Variants in CBLB observed in about 807,000 individuals in gnomAD.
CBLB encodes E3 ubiquitin-protein ligase CBL-B.
Under a neutral mutation model 104.9 loss-of-function variants are expected in CBLB, and 31 were observed. That is an observed-to-expected ratio of 0.30 (90% CI 0.22 to 0.40). CBLB has a LOEUF of 0.40. CBLB is among the 10% of genes least tolerant of loss of function. The probability of loss-of-function intolerance (pLI) is 1.00; values close to 1 mark genes in which losing one functional copy is unlikely to be tolerated. For missense variants in CBLB, 1,062 were observed against 1,214.6 expected (o/e 0.87, Z 1.87); for synonymous variants, 440 against 422.6 (o/e 1.04, Z -0.51).
At chr3:105,808,664 C>G (rs1001136321) in intron 3 of CBLB, among the ~76,000 whole-genome samples, 4 of 152,012 alleles carry the variant, frequency 2.6e-5, no homozygotes, top group African/African-American at 9.7e-5. Context: ...TTTGAGCCAC[C>G]AACAGAAATA....
chr3:105,822,744 T>C (rs1299503124), intron 3 of CBLB, among the ~76,000 whole-genome samples: 1 of 152,232 alleles, frequency 6.6e-6, no homozygotes, highest in Non-Finnish European at 1.5e-5. Flanking sequence ...ATTTAATTAA[T>C]GAACATATAT....
chr3:105,788,073 T>C (rs978225349), intron 3 of CBLB, among the ~76,000 whole-genome samples: 4 of 152,194 alleles, frequency 2.6e-5, no homozygotes, highest in Admixed American at 6.5e-5. Flanking sequence ...TGCTAATATT[T>C]GTAGTAGACG....
rs539819280 is a variant in CBLB at position 105,693,386 on chromosome 3, T to C, written c.2054+108A>G. 8.7e-5 allele frequency: 63 copies of C among 724,836 alleles called. No individual in the cohort carries two copies. In the East Asian group the frequency reaches 1.0e-3, roughly 12 times the overall value. 44.9% of individuals were successfully genotyped at this position (724,836 alleles called of 1,614,324 possible). A position where few individuals can be genotyped will look rare whatever the true frequency, so the allele number is the denominator to read the frequency against. ...TGTAAATACAGCTGGCTGTTTACTATCAATGACTTTCTATTCATCATGTAG... is the reference window on the plus strand; with the variant it reads ...TGTAAATACAGCTGGCTGTTTACTACCAATGACTTTCTATTCATCATGTAG... On this transcript the variant is annotated intron_variant, in intron 13 of 18. Transcript: ENST00000394030.
At chr3:105,855,186 T>G (rs941954135) in intron 2 of CBLB, among the ~76,000 whole-genome samples, 19 of 152,210 alleles carry the variant, frequency 1.2e-4, no homozygotes, top group Admixed American at 1.2e-3. Flanking sequence ...CATTTTCACA[T>G]GCAAAATCTT....
chr3:105,838,187 A>G (rs1278294760), intron 3 of CBLB, among the ~76,000 whole-genome samples: 1 of 147,852 alleles, frequency 6.8e-6, no homozygotes, highest in African/African-American at 2.5e-5. Context: ...GGCTCAAGCA[A>G]TCTCACCCAT....
intron 4 of CBLB, among the ~76,000 whole-genome samples, chr3:105,765,016 T>C: frequency 6.6e-6 from 1 of 152,178 alleles, no homozygotes; most frequent in South Asian, 2.1e-4. Context: ...AATTTGTTTA[T>C]GGGGTTTAAG....
At chr3:105,681,107 T>C in intron 16 of CBLB, 1 of 285,098 alleles carries the variant, frequency 3.5e-6, no homozygotes, top group Non-Finnish European at 6.6e-6. Flanking sequence ...GAACTGGTGC[T>C]CATGCTGCAA....
chr3:105,678,965 GAGTTCAC>G (rs1178453424), intron 16 of CBLB, among the ~76,000 whole-genome samples: 1 of 152,124 alleles, frequency 6.6e-6, no homozygotes, highest in Non-Finnish European at 1.5e-5. Flanking sequence ...GTAGCAAAAA[GAGTTCAC>G]AGCCTTTAAC....
intron 3 of CBLB, among the ~76,000 whole-genome samples, chr3:105,814,348 CTT>C (rs1447235993): frequency 2.6e-5 from 4 of 152,138 alleles, no homozygotes; most frequent in African/African-American, 9.7e-5. Context: ...TGTTGATTCC[CTT>C]TTGTTTTGTT....
intron 8 of CBLB, among the ~76,000 whole-genome samples, chr3:105,736,869 T>C (rs2075007080): frequency 6.6e-6 from 1 of 152,070 alleles, no homozygotes. Context: ...TATTCTAATC[T>C]TTTTTTGGTA....
chr3:105,811,912 C>A (rs901530208), intron 3 of CBLB, among the ~76,000 whole-genome samples: 2 of 152,138 alleles, frequency 1.3e-5, no homozygotes, highest in African/African-American at 4.8e-5. Flanking sequence ...CCATGTTGAC[C>A]AGGCTGGTCT....
chr3:105,743,607 A>G (rs183403174), intron 6 of CBLB, among the ~76,000 whole-genome samples: 1 of 151,946 alleles, frequency 6.6e-6, no homozygotes, highest in Non-Finnish European at 1.5e-5. Context: ...CCTTCACCCC[A>G]TAACTCATAT....
intron 4 of CBLB, among the ~76,000 whole-genome samples, chr3:105,757,907 A>G (rs1027415629): frequency 2.0e-5 from 3 of 152,226 alleles, no homozygotes; most frequent in African/African-American, 7.2e-5. Context: ...TTGTCAGAAA[A>G]TTCACCTTGA....
intron 3 of CBLB, among the ~76,000 whole-genome samples, chr3:105,796,425 C>T (rs1437241239): frequency 3.3e-5 from 5 of 152,110 alleles, no homozygotes. Context: ...TCCCTTACAC[C>T]ATACATAAAA....
In CBLB at chr3:105,694,559, T is replaced by C. The variant is rs558089292; in HGVS notation, c.1960-971A>G. On this transcript the variant is annotated intron_variant, in intron 12 of 18. Coordinates refer to ENST00000394030, the MANE Select transcript of CBLB (RefSeq NM_170662.5). ...ATTCAGTCAAGGACTTACCAATTAC[T>C]TTCCCCCATCATATTTCTAAAATGA... Among the ~76,000 whole-genome samples, 6 of 151,996 alleles carry C rather than the reference T, an allele frequency of 3.9e-5. No individual in the cohort carries two copies. In the South Asian group the frequency reaches 6.2e-4, roughly 16 times the overall value.
At chr3:105,672,598 A>G (rs1399833856) in intron 17 of CBLB, 3 of 154,256 alleles carry the variant, frequency 1.9e-5, no homozygotes, top group Non-Finnish European at 2.9e-5. Flanking sequence ...AAAGAAAAAT[A>G]TTATATCCAC....
rs1426242398 is a variant in CBLB at position 105,713,953 on chromosome 3, CAA to C, written c.1407+6092_1407+6093del. On this transcript the variant is annotated intron_variant, in intron 10 of 18. Coordinates refer to ENST00000394030, the MANE Select transcript of CBLB (RefSeq NM_170662.5). ...GCCATCCTTTAGTCATTGCAAAAAA[CAA>C]AAGTGTCCCCATATATTACTGAATA... Among the ~76,000 whole-genome samples the C allele has an allele frequency of 2.6e-5, 4 of 152,282 alleles. No homozygotes were observed. The East Asian group carries it at 7.7e-4, about 29-fold the overall frequency.
chr3:105,814,957 C>A (rs575549676), intron 3 of CBLB, among the ~76,000 whole-genome samples: 2 of 130,304 alleles, frequency 1.5e-5, no homozygotes, highest in South Asian at 5.2e-4. Context: ...GCCCCTGTGT[C>A]TCACACAGTA....
intron 17 of CBLB, chr3:105,673,763 A>T (rs1226568731): frequency 6.6e-6 from 1 of 152,162 alleles, no homozygotes; most frequent in Non-Finnish European, 1.5e-5. Flanking sequence ...GATGAATGCA[A>T]TTTTCATTCT....
Sources: gnomAD v4.1 joint callset for allele counts (sites outside exome capture counted in the v4.1 genomes callset) on GRCh38, gnomAD v4.1.1 for gene constraint, MANE v1.5 for transcripts, NCBI Gene and HGNC (gene_info 2026-07-23, HGNC 2026-07-21) for gene names.